SLC18A1: variants seen among roughly 807,000 people sequenced by gnomAD.
SLC18A1 encodes chromaffin granule amine transporter.
Under a neutral mutation model 53.7 loss-of-function variants are expected in SLC18A1, and 69 were observed. The observed-to-expected ratio is 1.28, with a 90% CI of 1.06 to 1.57. SLC18A1 has a LOEUF of 1.57. SLC18A1 is among the 40% of genes most tolerant of loss of function. SLC18A1 has a pLI of 0.00. For synonymous variants in SLC18A1, 320 were observed against 248.1 expected (o/e 1.29, Z -2.72); for missense variants, 932 against 668.1 (o/e 1.40, Z -4.35).
In SLC18A1 at chr8:20,174,517, C is replaced by T. The variant is rs73608339; in HGVS notation, c.548-73G>A. ...GCTTCCCCAGCCGCCAGAGAACATG[C>T]CCGTGATACTGCAGATATGAGTCTT... is the stretch of plus-strand genomic sequence containing the variant. On this transcript the variant is annotated intron_variant, in intron 4 of 15. Transcript: ENST00000276373. The T allele has an allele frequency of 2.2e-3, 1,987 of 917,874 alleles. 13 individuals carry two copies. Among genetic ancestry groups the T allele is most frequent in the African/African-American group, 0.02 (1,218 of 61,554 alleles). 56.9% of individuals were successfully genotyped at this position (917,874 alleles called of 1,614,324 possible). A position where few individuals can be genotyped will look rare whatever the true frequency, so the allele number is the denominator to read the frequency against.
intron 8 of SLC18A1, among the ~76,000 whole-genome samples, chr8:20,167,013 G>A (rs117976049): frequency 1.3e-5 from 2 of 152,002 alleles, no homozygotes; most frequent in Admixed American, 1.3e-4. Context: ...TCAGCCTCCA[G>A]AGTCGTGAGA....
chr8:20,153,703 A>G (rs2071616500), intron 10 of SLC18A1, among the ~76,000 whole-genome samples: 1 of 151,950 alleles, frequency 6.6e-6, no homozygotes, highest in Admixed American at 6.6e-5. Flanking sequence ...AGGAGTAGTG[A>G]TGGAAGAAAA....
chr8:20,165,926 T>A (rs537440070), intron 8 of SLC18A1, among the ~76,000 whole-genome samples: 1 of 152,182 alleles, frequency 6.6e-6, no homozygotes, highest in African/African-American at 2.4e-5. Flanking sequence ...TATCTTGTAA[T>A]AGATTGGATC....
chr8:20,177,533 A>G (rs36022472), intron 4 of SLC18A1, among the ~76,000 whole-genome samples: 7,598 of 152,334 alleles, frequency 0.05, 246 homozygotes, highest in Middle Eastern at 0.1. Flanking sequence ...AGATATACCT[A>G]ATGTAAATGA....
intron 10 of SLC18A1, among the ~76,000 whole-genome samples, chr8:20,162,009 C>T (rs1471375730): frequency 5.9e-5 from 9 of 152,278 alleles, no homozygotes; most frequent in African/African-American, 9.6e-5. Flanking sequence ...TTGCATTCTG[C>T]GCACGTGCAA....
chr8:20,147,443 C>G (rs771048150), intron 14 of SLC18A1, 52 bp from the exon 15 acceptor site: 2 of 1,581,524 alleles, frequency 1.3e-6, no homozygotes, highest in Non-Finnish European at 1.7e-6. Context: ...CCATATGGAG[C>G]ATCCTCCACG....
intron 15 of SLC18A1, among the ~76,000 whole-genome samples, chr8:20,146,987 C>A (rs1175443834): frequency 6.6e-6 from 1 of 152,128 alleles, no homozygotes; most frequent in Admixed American, 6.5e-5. Flanking sequence ...TACAGGATGT[C>A]TTTGATGGTC....
intron 1 of SLC18A1, among the ~76,000 whole-genome samples, chr8:20,182,462 C>T (rs1251923926): frequency 6.6e-5 from 10 of 152,228 alleles, no homozygotes; most frequent in Middle Eastern, 3.4e-3. Flanking sequence ...AATATATGGG[C>T]ACATTTTTGA....
chr8:20,148,232 C>T (rs913873693), intron 12 of SLC18A1, among the ~76,000 whole-genome samples, 162 bp from the exon 13 acceptor site: 2 of 152,182 alleles, frequency 1.3e-5, no homozygotes, highest in African/African-American at 4.8e-5. Flanking sequence ...GAATCTATAC[C>T]TCCATTTTAA....
chr8:20,147,928 T>A, intron 13 of SLC18A1, 79 bp downstream of exon 13: 1 of 1,515,514 alleles, frequency 6.6e-7, no homozygotes, highest in Non-Finnish European at 9.1e-7. Flanking sequence ...CCTCCTCTGA[T>A]GAGAAAAGGG....
intron 5 of SLC18A1, 147 bp downstream of exon 5, chr8:20,174,214 A>T: frequency 8.7e-6 from 6 of 687,882 alleles, no homozygotes; most frequent in Non-Finnish European, 1.6e-5. Flanking sequence ...TGCCCAGCCC[A>T]ATTCCCTTAT....
rs774543552 is a variant in SLC18A1, at chr8:20,180,866, C to T, written c.99G>A (p.Leu33=). 3.0e-5 allele frequency: 48 copies of T among 1,613,916 alleles called. No homozygotes were observed. Among genetic ancestry groups the T allele is most frequent in the Non-Finnish European group, 3.6e-5 (43 of 1,179,976 alleles). ...VLVVVFVALL[L]DNMLFTVVVP... Reference sequence around the variant, plus strand: ...CCACCACAGTAAACAGCATGTTGTCCAGGAGCAAAGCGACGAATACCACCA... The same window carrying T: ...CCACCACAGTAAACAGCATGTTGTCTAGGAGCAAAGCGACGAATACCACCA... Residue 33 remains leucine, a synonymous_variant, in exon 2 of 16, where the codon CTG becomes CTA. Coordinates refer to ENST00000276373, the MANE Select transcript of SLC18A1 (RefSeq NM_003053.4).
intron 10 of SLC18A1, among the ~76,000 whole-genome samples, chr8:20,164,236 C>T (rs868061747): frequency 5.3e-5 from 8 of 152,198 alleles, no homozygotes; most frequent in South Asian, 2.1e-4. Context: ...AGGGCTAGAT[C>T]CTCCTCTCCA....
chr8:20,171,576 C>A lies in SLC18A1; in HGVS notation c.725-82G>T, dbSNP rs796531778. The A allele has an allele frequency of 1.5e-5, 17 of 1,140,592 alleles. No individual in the cohort carries two copies. The African/African-American group carries it at 2.3e-4, about 15-fold the overall frequency. The allele number at this position is 1,140,592 out of a possible 1,614,324, so 70.7% of individuals were successfully genotyped here. On this transcript the variant is annotated intron_variant, in intron 6 of 15. Transcript: ENST00000276373. ...GAATTATCCATATTTACCCCGTGAG[C>A]ATTTGCAGAAGGCCTGCTAGGGGCT...
Position 20,145,694 on chromosome 8 carries a change from A to G in SLC18A1, c.*69T>C. ...AGCCCACTGAGCCGTGGGCTCAGCC[A>G]TGGTGATCTGGTCCCAGGGAAAGAG... On this transcript the variant is annotated 3_prime_UTR_variant, in exon 16 of 16. Transcript: ENST00000276373. The G allele has an allele frequency of 2.0e-6, 2 of 991,558 alleles. No homozygotes were observed. The highest frequency in any genetic ancestry group is 1.6e-5 in the South Asian group (1 of 64,388). 61.4% of individuals were successfully genotyped at this position (991,558 alleles called of 1,614,324 possible).
chr8:20,150,848 C>A (rs2071535172), intron 10 of SLC18A1, 104 bp from the exon 11 acceptor site: 1 of 1,011,790 alleles, frequency 9.9e-7, no homozygotes. Flanking sequence ...CTTCCAAGAT[C>A]CCCAAACCAC....
chr8:20,157,812 A>T (rs1408064108), intron 10 of SLC18A1, among the ~76,000 whole-genome samples: 1 of 152,156 alleles, frequency 6.6e-6, no homozygotes, highest in Non-Finnish European at 1.5e-5. Context: ...CGAACGGGAG[A>T]AAAAGAAGGC....
intron 8 of SLC18A1, among the ~76,000 whole-genome samples, chr8:20,167,510 T>G (rs1362281471): frequency 6.6e-6 from 1 of 151,794 alleles, no homozygotes; most frequent in Admixed American, 6.6e-5. Flanking sequence ...GAAGTGGAGG[T>G]CTCAGTACAA....
chr8:20,177,905 C>A (rs527683939), intron 4 of SLC18A1, among the ~76,000 whole-genome samples: 50 of 152,144 alleles, frequency 3.3e-4, no homozygotes, highest in Non-Finnish European at 6.8e-4. Context: ...ATTTGTCTTT[C>A]TCTTTCTTGT....
Sources: gnomAD v4.1 joint callset for allele counts (sites outside exome capture counted in the v4.1 genomes callset) on GRCh38, gnomAD v4.1.1 for gene constraint, MANE v1.5 for transcripts, NCBI Gene and HGNC (gene_info 2026-07-23, HGNC 2026-07-21) for gene names.